The following WWOX variants were observed in gnomAD, a reference collection of about 807,000 sequenced individuals.
WWOX encodes WW domain-containing oxidoreductase.
A neutral mutation model predicts 46.2 loss-of-function variants in WWOX; 69 were observed. The observed-to-expected ratio is 1.49, with a 90% CI of 1.23 to 1.82. The LOEUF is 1.82. Among genes scored for constraint, WWOX ranks in the 40% most tolerant of loss-of-function variants. The pLI is 0.00. For missense variants in WWOX, 919 were observed against 542.6 expected (o/e 1.69, Z -6.89); for synonymous variants, 359 against 202.6 (o/e 1.77, Z -6.56).
rs570668973 is a variant in WWOX at position 78,895,012 on chromosome 16, C to T, written c.1057-316596C>T. On this transcript the variant is annotated intron_variant, in intron 8 of 8. Transcript: ENST00000566780. ...GAAGCTGGAGATCCCATCATGCCGC[C>T]GGGCACCGGTTTACGAGAACTCTAT... is the stretch of plus-strand genomic sequence containing the variant. 1.2e-4 allele frequency among the ~76,000 whole-genome samples: 19 copies of T among 152,276 alleles called. 1 individual carries two copies. In the East Asian group the frequency reaches 3.1e-3, roughly 25 times the overall value.
intron 8 of WWOX, among the ~76,000 whole-genome samples, chr16:78,443,112 C>T (rs1373011953): frequency 6.8e-5 from 8 of 117,714 alleles, no homozygotes; most frequent in African/African-American, 1.0e-4. Context: ...CTCCAGCCTG[C>T]GTGACAGAGC....
chr16:78,874,684 C>CTTTTTTTTTTT (rs552696627), intron 8 of WWOX, among the ~76,000 whole-genome samples: 6 of 83,502 alleles, frequency 7.2e-5, no homozygotes, highest in Admixed American at 1.8e-4. Flanking sequence ...AGATTTTTTT[C>CTTTTTTTTTTT]TTTTTTTTTT....
intron 8 of WWOX, among the ~76,000 whole-genome samples, chr16:78,580,777 T>G (rs1363924772): frequency 6.6e-6 from 1 of 152,232 alleles, no homozygotes; most frequent in African/African-American, 2.4e-5. Context: ...TGCTAATTAT[T>G]CTTCATTTAA....
At chr16:79,209,418 G>C (rs73569312) in intron 8 of WWOX, among the ~76,000 whole-genome samples, 2 of 152,266 alleles carry the variant, frequency 1.3e-5, no homozygotes, top group Non-Finnish European at 2.9e-5. Context: ...TTTCCCAAAC[G>C]GACTGCTTTG....
intron 8 of WWOX, among the ~76,000 whole-genome samples, chr16:78,817,527 G>T (rs1460479110): frequency 2.0e-5 from 3 of 152,148 alleles, no homozygotes; most frequent in Non-Finnish European, 4.4e-5. Context: ...GCTGAACTTT[G>T]CTTCAAATTT....
rs188523319 is a variant in WWOX at position 78,419,938 on chromosome 16, A to G, written c.606-4932A>G. Among the ~76,000 whole-genome samples the G allele has an allele frequency of 6.6e-5, 10 of 152,286 alleles. No homozygotes were observed. In the East Asian group the frequency reaches 1.9e-3, roughly 29 times the overall value. ...TAGAATAAAGAACTTTTACAATTCAATAATGAAAACTCATTTAAAAAATGA... is the reference window on the plus strand; with the variant it reads ...TAGAATAAAGAACTTTTACAATTCAGTAATGAAAACTCATTTAAAAAATGA... On this transcript the variant is annotated intron_variant, in intron 6 of 8. Coordinates refer to ENST00000566780, the MANE Select transcript of WWOX (RefSeq NM_016373.4).
chr16:79,022,344 CAAA>C (rs10654627), intron 8 of WWOX, among the ~76,000 whole-genome samples: 22 of 71,212 alleles, frequency 3.1e-4, no homozygotes, highest in South Asian at 5.7e-4. Flanking sequence ...CAATCTGTGG[CAAA>C]AAAAAAAAAA....
intron 2 of WWOX, among the ~76,000 whole-genome samples, chr16:78,109,025 T>G (rs2032328297): frequency 6.6e-6 from 1 of 151,898 alleles, no homozygotes; most frequent in East Asian, 1.9e-4. Context: ...AACCAGAAAA[T>G]AATTGAGGCC....
intron 8 of WWOX, among the ~76,000 whole-genome samples, chr16:79,029,571 C>T (rs1388549878): frequency 6.6e-6 from 1 of 152,090 alleles, no homozygotes; most frequent in Admixed American, 6.6e-5. Flanking sequence ...TCTATAAAAA[C>T]TGTTTTTCTA....
chr16:78,886,285 A>T (rs1567626561), intron 8 of WWOX, among the ~76,000 whole-genome samples: 1 of 142,440 alleles, frequency 7.0e-6, no homozygotes, highest in Admixed American at 7.1e-5. Context: ...TTTTTTCTTT[A>T]AAAAAAAAAA....
intron 8 of WWOX, among the ~76,000 whole-genome samples, chr16:78,625,892 C>G (rs1387885643): frequency 6.7e-6 from 1 of 150,270 alleles, no homozygotes; most frequent in Non-Finnish European, 1.5e-5. Context: ...AATGCAATTA[C>G]TTAAAACTTA....
At chr16:78,794,728 T>A (rs936734138) in intron 8 of WWOX, among the ~76,000 whole-genome samples, 5 of 152,242 alleles carry the variant, frequency 3.3e-5, no homozygotes, top group African/African-American at 1.2e-4. Context: ...TTAGCTCTGC[T>A]ATCAGAGTGA....
intron 8 of WWOX, among the ~76,000 whole-genome samples, chr16:78,882,827 TA>T (rs75984932): frequency 5.1e-3 from 727 of 143,124 alleles, no homozygotes; most frequent in African/African-American, 7.6e-3. Context: ...TGCCACCATT[TA>T]AAAAAAAAAA....
intron 8 of WWOX, among the ~76,000 whole-genome samples, chr16:78,533,357 T>C (rs2043672807): frequency 6.6e-6 from 1 of 151,780 alleles, no homozygotes; most frequent in African/African-American, 2.4e-5. Flanking sequence ...CTGGGCCACA[T>C]TGGAAGAAAA....
At chr16:78,408,276 C>G (rs986632964) in intron 6 of WWOX, among the ~76,000 whole-genome samples, 1 of 152,180 alleles carries the variant, frequency 6.6e-6, no homozygotes, top group Admixed American at 6.6e-5. Flanking sequence ...TGCTGTCATG[C>G]CCACCTTTGA....
intron 8 of WWOX, among the ~76,000 whole-genome samples, chr16:78,916,962 C>G (rs370405749): frequency 3.8e-4 from 58 of 152,228 alleles, no homozygotes; most frequent in African/African-American, 1.3e-3. Context: ...CCTGGTTCCC[C>G]TCTTTTCATC....
In WWOX at chr16:79,212,412, T is replaced by A; in HGVS notation, c.*616T>A. 1 of 396,006 alleles carries A rather than the reference T, an allele frequency of 2.5e-6. No individual in the cohort carries two copies. Among genetic ancestry groups the A allele is most frequent in the Non-Finnish European group, 4.5e-6 (1 of 222,220 alleles). The allele number at this position is 396,006 out of a possible 1,614,324, so 24.5% of individuals were successfully genotyped here. A position where few individuals can be genotyped will look rare whatever the true frequency, so the allele number is the denominator to read the frequency against. On this transcript the variant is annotated 3_prime_UTR_variant, in exon 9 of 9. Transcript: ENST00000566780. Reference sequence around the variant, plus strand: ...TGGCAAAGTACTTGTCATAGACTCCTTTGCTAATGCTATGCAAAAAATTCT... The same window carrying A: ...TGGCAAAGTACTTGTCATAGACTCCATTGCTAATGCTATGCAAAAAATTCT...
intron 5 of WWOX, among the ~76,000 whole-genome samples, chr16:78,292,336 T>C (rs1401076713): frequency 6.6e-6 from 1 of 152,178 alleles, no homozygotes; most frequent in Admixed American, 6.5e-5. Flanking sequence ...TACAGAGCTG[T>C]CTGTCATTTT....
chr16:78,648,751 A>G (rs1262576385), intron 8 of WWOX, among the ~76,000 whole-genome samples: 2 of 152,268 alleles, frequency 1.3e-5, no homozygotes, highest in South Asian at 2.1e-4. Context: ...TTGTTTAACC[A>G]TAAAGCTTTC....
Sources: allele counts gnomAD v4.1 joint callset (sites outside exome capture counted in the v4.1 genomes callset), GRCh38; gene constraint gnomAD v4.1.1; transcripts MANE v1.5; gene names NCBI Gene and HGNC (gene_info 2026-07-23, HGNC 2026-07-21).